Variants in TCF4 observed in about 807,000 individuals in gnomAD.
TCF4 encodes transcription factor 4.
Under a neutral mutation model 82.1 loss-of-function variants are expected in TCF4, and 3 were observed. The observed-to-expected ratio is 0.04, with a 90% CI of 0.02 to 0.09. TCF4 has a LOEUF of 0.09. Among genes scored for constraint, TCF4 ranks in the 10% least tolerant of loss-of-function variants. The pLI is 1.00. For missense variants in TCF4, 518 were observed against 852.7 expected (o/e 0.61, Z 4.89); for synonymous variants, 276 against 309.6 (o/e 0.89, Z 1.14).
intron 3 of TCF4, among the ~76,000 whole-genome samples, chr18:55,519,258 C>T (rs2096912133): frequency 6.6e-6 from 1 of 151,904 alleles, no homozygotes; most frequent in South Asian, 2.1e-4. Flanking sequence ...CATTGTGAAA[C>T]CATGTCTCTA....
At chr18:55,598,497 A>G (rs2097693537) in intron 2 of TCF4, among the ~76,000 whole-genome samples, 1 of 152,204 alleles carries the variant, frequency 6.6e-6, no homozygotes. Context: ...GCATGGAACC[A>G]TTAGGATGAT....
upstream of TCF4, chr18:55,588,402 G>A (rs918147583): frequency 1.4e-4 from 208 of 1,532,226 alleles, no homozygotes; most frequent in South Asian, 1.2e-3. Flanking sequence ...CACCCCGAGG[G>A]GAAAAAAAAA....
At chr18:55,396,614 G>A (rs984910342) in intron 6 of TCF4, among the ~76,000 whole-genome samples, 2 of 152,160 alleles carry the variant, frequency 1.3e-5, no homozygotes, top group Non-Finnish European at 2.9e-5. Context: ...ACAGCTAGGG[G>A]CACAGAGGTT....
chr18:55,312,759 G>C (rs2072943413), intron 8 of TCF4, among the ~76,000 whole-genome samples: 1 of 152,162 alleles, frequency 6.6e-6, no homozygotes, highest in Non-Finnish European at 1.5e-5. Flanking sequence ...CTGGAAGCAT[G>C]CAAGAGGTGT....
intron 2 of TCF4, among the ~76,000 whole-genome samples, chr18:55,600,418 A>G (rs555298160): frequency 9.3e-4 from 141 of 152,310 alleles, no homozygotes; most frequent in African/African-American, 3.3e-3. Flanking sequence ...TGCCTCCTCA[A>G]TTAGACTCTA....
At chr18:55,588,578 C>T, upstream of TCF4, 1 of 1,523,522 alleles carries the variant, frequency 6.6e-7, no homozygotes, top group Non-Finnish European at 8.8e-7. Context: ...TACATCCCCT[C>T]ACTTCTTTCT....
At chr18:55,267,797 C>A (rs1568565659) in intron 11 of TCF4, 1 of 151,958 alleles carries the variant, frequency 6.6e-6, no homozygotes, top group South Asian at 2.1e-4. Flanking sequence ...TCTAAAAAGC[C>A]CTTTTCTGGG....
At chr18:55,517,898 A>G (rs2096898510) in intron 3 of TCF4, among the ~76,000 whole-genome samples, 1 of 152,094 alleles carries the variant, frequency 6.6e-6, no homozygotes, top group Non-Finnish European at 1.5e-5. Context: ...CTTCTGTTTG[A>G]CCTTGCATTT....
chr18:55,290,156 A>G (rs1240580152), intron 8 of TCF4, among the ~76,000 whole-genome samples: 1 of 152,220 alleles, frequency 6.6e-6, no homozygotes. Flanking sequence ...TAATGGTCCT[A>G]AAGATTTTAA....
chr18:55,248,703 AGG>A (rs1433555510), intron 15 of TCF4, among the ~76,000 whole-genome samples: 1 of 152,204 alleles, frequency 6.6e-6, no homozygotes, highest in Non-Finnish European at 1.5e-5. Flanking sequence ...TGAGCAGTGT[AGG>A]ATATAGCACA....
At chr18:55,305,516 TTAA>T (rs1252136811) in intron 8 of TCF4, among the ~76,000 whole-genome samples, 1 of 152,234 alleles carries the variant, frequency 6.6e-6, no homozygotes, top group Admixed American at 6.5e-5. Context: ...CCAGTTTCAA[TTAA>T]TACTCCAGAA....
chr18:55,314,284 C>T (rs950008588), intron 8 of TCF4, among the ~76,000 whole-genome samples: 1 of 152,122 alleles, frequency 6.6e-6, no homozygotes, highest in Non-Finnish European at 1.5e-5. Flanking sequence ...TCTGTAATAA[C>T]AGGTGCAGAA....
intron 15 of TCF4, among the ~76,000 whole-genome samples, chr18:55,243,744 G>A (rs755972429): frequency 4.6e-5 from 7 of 152,104 alleles, no homozygotes; most frequent in Non-Finnish European, 1.0e-4. Context: ...GTGAGGGTAC[G>A]TGTGAGGGGT....
intron 5 of TCF4, among the ~76,000 whole-genome samples, chr18:55,438,508 T>G (rs891889610): frequency 6.6e-6 from 1 of 152,138 alleles, no homozygotes; most frequent in Admixed American, 6.5e-5. Context: ...GTGATGTAGC[T>G]CAATGGACCC....
At chr18:55,573,598 C>G (rs2097498489) in intron 3 of TCF4, among the ~76,000 whole-genome samples, 1 of 152,170 alleles carries the variant, frequency 6.6e-6, no homozygotes, top group African/African-American at 2.4e-5. Flanking sequence ...GCCACAGCGG[C>G]TGGAATCATG....
At chr18:55,365,249 G>GTGTGTA (rs575625195) in intron 6 of TCF4, among the ~76,000 whole-genome samples, 1 of 127,412 alleles carries the variant, frequency 7.8e-6, no homozygotes, top group Non-Finnish European at 1.6e-5. Context: ...ATATGTGTGT[G>GTGTGTA]TATATATATA....
At chr18:55,357,287 G>A (rs1161743229) in intron 6 of TCF4, among the ~76,000 whole-genome samples, 1 of 152,072 alleles carries the variant, frequency 6.6e-6, no homozygotes, top group Non-Finnish European at 1.5e-5. Context: ...AAAACATTGA[G>A]ACAATCAGTA....
At chr18:55,530,417 T>A (rs2097047153) in intron 3 of TCF4, among the ~76,000 whole-genome samples, 1 of 151,716 alleles carries the variant, frequency 6.6e-6, no homozygotes, top group South Asian at 2.1e-4. Flanking sequence ...TCTGGACTTG[T>A]GGATAAAGGA....
intron 3 of TCF4, among the ~76,000 whole-genome samples, chr18:55,472,013 T>C (rs2096194821): frequency 1.3e-5 from 2 of 152,208 alleles, no homozygotes; most frequent in South Asian, 4.1e-4. Context: ...TACTGCAATA[T>C]TTTAGCCTTA....
Sources: gnomAD v4.1 joint callset for allele counts (sites outside exome capture counted in the v4.1 genomes callset) on GRCh38, gnomAD v4.1.1 for gene constraint, MANE v1.5 for transcripts, NCBI Gene and HGNC (gene_info 2026-07-23, HGNC 2026-07-21) for gene names.